Variants in DBH observed in about 807,000 individuals in gnomAD.
DBH encodes the protein dopamine beta-hydroxylase.
In DBH, 49 loss-of-function variants were observed where a neutral mutation model predicts 64.0. The observed-to-expected ratio is 0.77, with a 90% CI of 0.61 to 0.97. DBH has a LOEUF of 0.97. Ranked by LOEUF, DBH falls within the 50% of genes least tolerant of loss-of-function variation. The pLI, the probability that DBH is intolerant of heterozygous loss-of-function variation, is 0.00. For missense variants in DBH, 828 were observed against 826.6 expected (o/e 1.00, Z -0.02); for synonymous variants, 343 against 347.1 (o/e 0.99, Z 0.13).
chr9:133,638,655 T>C (rs1391501239), intron 1 of DBH, among the ~76,000 whole-genome samples: 1 of 152,128 alleles, frequency 6.6e-6, no homozygotes, highest in Non-Finnish European at 1.5e-5. Context: ...GGATATGGGC[T>C]TGGTGTGGGT....
intron 10 of DBH, 101 bp from the exon 11 acceptor site, chr9:133,656,969 C>A: frequency 7.2e-7 from 1 of 1,383,802 alleles, no homozygotes; most frequent in Non-Finnish European, 1.0e-6. Flanking sequence ...GGACGGTTGC[C>A]CCAGGGACAG....
At chr9:133,656,331 CA>C in intron 9 of DBH, 191 bp from the exon 10 acceptor site, 1 of 658,230 alleles carries the variant, frequency 1.5e-6, no homozygotes, top group South Asian at 1.8e-5. Context: ...TTGACTCACT[CA>C]CTCACTGCCT....
intron 9 of DBH, among the ~76,000 whole-genome samples, chr9:133,653,985 C>T (rs1017972426): frequency 6.6e-6 from 1 of 152,260 alleles, no homozygotes; most frequent in Non-Finnish European, 1.5e-5. Context: ...TGGGTTACAG[C>T]TACCCTGACA....
chr9:133,650,918 C>T (rs1265630249), intron 6 of DBH, among the ~76,000 whole-genome samples: 1 of 152,228 alleles, frequency 6.6e-6, no homozygotes, highest in Admixed American at 6.5e-5. Context: ...CTGGAAGATT[C>T]TCTCATGCCC....
rs192981766 is a variant in DBH, at chr9:133,650,535, C to G, written c.1192-1099C>G. ...TTCCTTCCTTCCTTCCTTCTCTTTT[C>G]TTTCTTCCTTCCTTTCTTTTTTTTT... On this transcript the variant is annotated intron_variant, in intron 6 of 11. Coordinates refer to ENST00000393056, the MANE Select transcript of DBH (RefSeq NM_000787.4). Among the ~76,000 whole-genome samples, 647 of 101,892 alleles carry G rather than the reference C, an allele frequency of 6.3e-3. 4 individuals are homozygous for G. The highest frequency in any genetic ancestry group is 0.023 in the African/African-American group (595 of 26,194). The allele number at this position is 101,892 out of a possible 152,430, so 66.8% of individuals were successfully genotyped here.
In DBH at chr9:133,658,632, TGA is replaced by T. The variant is rs1484890849; in HGVS notation, c.*189_*190del. 2.4e-5 allele frequency: 16 copies of T among 666,394 alleles called. 2 individuals are homozygous for T. The highest frequency in any genetic ancestry group is 2.0e-4 in the South Asian group (8 of 40,736). The allele number at this position is 666,394 out of a possible 1,614,324, so 41.3% of individuals were successfully genotyped here. On this transcript the variant is annotated 3_prime_UTR_variant, in exon 12 of 12. Transcript: ENST00000393056. Reference sequence around the variant, plus strand: ...CTTCCCCCAGGGTCCCCTGCATGGCTGAGAGGGTGTGGGTGCCCTGTTGACCT... The same window carrying T: ...CTTCCCCCAGGGTCCCCTGCATGGCTGAGGGTGTGGGTGCCCTGTTGACCT...
chr9:133,644,747 G>A (rs966466354), intron 5 of DBH, among the ~76,000 whole-genome samples: 2 of 152,194 alleles, frequency 1.3e-5, no homozygotes, highest in Non-Finnish European at 2.9e-5. Context: ...CAGGCGCTCC[G>A]GCCTGGCCAG....
Position 133,649,783 on chromosome 9 carries a change from CTCACTGCCCCT to C in DBH, c.1191+1773_1191+1783del, listed in dbSNP as rs1440206490. Among the ~76,000 whole-genome samples, 4 of 152,234 alleles carry C rather than the reference CTCACTGCCCCT, an allele frequency of 2.6e-5. No individual in the cohort carries two copies. In the East Asian group the frequency reaches 5.8e-4, roughly 22 times the overall value. On this transcript the variant is annotated intron_variant, in intron 6 of 11. Transcript: ENST00000393056. Reference sequence around the variant, plus strand: ...AAGAGCGGCTTCCGGCCAGGCAGCACTCACTGCCCCTTGCAGGGCCTTGGGGCCTTCGACCC... The same window carrying C: ...AAGAGCGGCTTCCGGCCAGGCAGCACTGCAGGGCCTTGGGGCCTTCGACCC...
At chr9:133,647,650 G>A (rs534794856) in intron 5 of DBH, among the ~76,000 whole-genome samples, 196 bp from the exon 6 acceptor site, 18 of 152,258 alleles carry the variant, frequency 1.2e-4, no homozygotes, top group South Asian at 1.0e-3. Context: ...TTGATCTTGC[G>A]AGCTGCCTGG....
intron 5 of DBH, among the ~76,000 whole-genome samples, chr9:133,644,859 A>G (rs1051865291): frequency 3.3e-5 from 5 of 152,150 alleles, no homozygotes; most frequent in African/African-American, 1.2e-4. Context: ...AGGCCAGGTG[A>G]TGCTGTCTCA....
intron 1 of DBH, among the ~76,000 whole-genome samples, chr9:133,637,981 A>T (rs1444487149): frequency 6.6e-6 from 1 of 152,238 alleles, no homozygotes; most frequent in Non-Finnish European, 1.5e-5. Flanking sequence ...GCTGAACCCC[A>T]TCGCTGACAG....
chr9:133,639,531 G>A (rs2797852), intron 1 of DBH, among the ~76,000 whole-genome samples: 42,451 of 152,076 alleles, frequency 0.28, 6,264 homozygotes, highest in Non-Finnish European at 0.34. Flanking sequence ...TGTCCCGCCC[G>A]CCAGGCCCGG....
At chr9:133,653,792 G>A (rs897575428) in intron 9 of DBH, among the ~76,000 whole-genome samples, 3 of 152,228 alleles carry the variant, frequency 2.0e-5, no homozygotes, top group Admixed American at 6.5e-5. Flanking sequence ...GATGCATCAC[G>A]CAGCGGGGCT....
At chr9:133,655,650 C>T (rs935589480) in intron 9 of DBH, 4 of 152,336 alleles carry the variant, frequency 2.6e-5, no homozygotes, top group African/African-American at 9.6e-5. Context: ...GCCTTTCTTC[C>T]CCACCAGCCA....
intron 2 of DBH, among the ~76,000 whole-genome samples, chr9:133,641,752 G>A (rs1174409222): frequency 7.2e-5 from 11 of 152,154 alleles, no homozygotes; most frequent in Admixed American, 4.6e-4. Context: ...GCGTGGCTCC[G>A]CAGCTCAGCG....
chr9:133,636,859 C>T lies in DBH; in HGVS notation c.339+149C>T, dbSNP rs1410609080. On this transcript the variant is annotated intron_variant, in intron 1 of 11. Transcript: ENST00000393056. ...GACTCTGCTCTGAGCCAAGTCTGCA[C>T]CCCGAGCTTGGGCATCATGGGGATC... 4.4e-5 allele frequency: 35 copies of T among 798,258 alleles called. 1 individual carries two copies. The South Asian group carries it at 4.7e-4, about 11-fold the overall frequency. The allele number at this position is 798,258 out of a possible 1,614,324, so 49.4% of individuals were successfully genotyped here. A position where few individuals can be genotyped will look rare whatever the true frequency, so the allele number is the denominator to read the frequency against.
intron 9 of DBH, 121 bp downstream of exon 9, chr9:133,653,120 C>T: frequency 2.6e-6 from 2 of 781,864 alleles, no homozygotes; most frequent in Admixed American, 2.0e-5. Context: ...CTCAATAAGC[C>T]AGTCGTTCTC....
In DBH at chr9:133,652,269, C is replaced by T. The variant is rs779140579; in HGVS notation, c.1359C>T (p.Val453=). Residue 453 remains valine, a synonymous_variant, in exon 8 of 12, where the codon GTC becomes GTT. Transcript: ENST00000393056. ...AGGAGATCCGCATGTTGAAGAAGGT[C>T]GTGTCGGTCCATCCGGTGAGTGCCC... is the stretch of plus-strand genomic sequence containing the variant. ...HFQEIRMLKK[V]VSVHPGDVLI... 9 of 1,613,558 alleles carry T rather than the reference C, an allele frequency of 5.6e-6. No individual in the cohort carries two copies. The highest frequency in any genetic ancestry group is 7.6e-6 in the Non-Finnish European group (9 of 1,180,034).
At chr9:133,646,584 C>A (rs1268071726) in intron 5 of DBH, among the ~76,000 whole-genome samples, 1 of 152,208 alleles carries the variant, frequency 6.6e-6, no homozygotes, top group Non-Finnish European at 1.5e-5. Flanking sequence ...GAGTGCAATG[C>A]ACGATCTCAG....
Sources: allele counts gnomAD v4.1 joint callset (sites outside exome capture counted in the v4.1 genomes callset), GRCh38; gene constraint gnomAD v4.1.1; transcripts MANE v1.5; gene names NCBI Gene and HGNC (gene_info 2026-07-23, HGNC 2026-07-21).